CTNND2: variants seen among roughly 807,000 people sequenced by gnomAD.
CTNND2 encodes the protein catenin delta 2.
CTNND2 carries 22 observed loss-of-function variants against 144.4 expected under a neutral mutation model. The ratio of observed to expected loss-of-function variants is 0.15; its 90% CI spans 0.11 to 0.22. The LOEUF is 0.22. Ranked by LOEUF, CTNND2 falls within the 10% of genes least tolerant of loss-of-function variation. CTNND2 has a pLI of 1.00. For synonymous variants in CTNND2, 751 were observed against 695.6 expected (o/e 1.08, Z -1.25); for missense variants, 1,353 against 1,618.8 (o/e 0.84, Z 2.82).
intron 3 of CTNND2, among the ~76,000 whole-genome samples, chr5:11,484,548 G>C (rs529190726): frequency 6.6e-4 from 100 of 152,232 alleles, no homozygotes; most frequent in African/African-American, 2.2e-3. Flanking sequence ...CACTAAGAAA[G>C]GCAGCATCTA....
At chr5:11,773,319 AT>A (rs1790054243) in intron 1 of CTNND2, among the ~76,000 whole-genome samples, 1 of 152,370 alleles carries the variant, frequency 6.6e-6, no homozygotes, top group Middle Eastern at 3.4e-3. Context: ...AATTTACACA[AT>A]TAGTAATGAT....
At chr5:11,308,738 TG>T (rs1209172753) in intron 9 of CTNND2, among the ~76,000 whole-genome samples, 5 of 152,228 alleles carry the variant, frequency 3.3e-5, no homozygotes, top group Admixed American at 2.0e-4. Context: ...TTTAATGGCT[TG>T]GACCTTTCCA....
chr5:11,050,810 C>T (rs1198656905), intron 16 of CTNND2, among the ~76,000 whole-genome samples: 1 of 152,194 alleles, frequency 6.6e-6, no homozygotes, highest in African/African-American at 2.4e-5. Context: ...GTTTTTGTCT[C>T]TGCTTCCAAC....
chr5:11,427,961 G>A (rs1468644708), intron 3 of CTNND2, among the ~76,000 whole-genome samples: 1 of 152,114 alleles, frequency 6.6e-6, no homozygotes, highest in Non-Finnish European at 1.5e-5. Context: ...ATGGGGGGAG[G>A]CGAAAGGCAC....
intron 1 of CTNND2, among the ~76,000 whole-genome samples, chr5:11,890,199 A>C (rs1263511516): frequency 1.3e-5 from 2 of 152,260 alleles, no homozygotes; most frequent in African/African-American, 4.8e-5. Flanking sequence ...TGAAAACTTA[A>C]ACTTGGTACA....
At chr5:11,332,215 C>T (rs977706477) in intron 9 of CTNND2, among the ~76,000 whole-genome samples, 51 of 147,958 alleles carry the variant, frequency 3.4e-4, no homozygotes, top group Admixed American at 1.4e-3. Flanking sequence ...GCGGAGGTTT[C>T]GGTGAGTGGA....
chr5:11,851,950 G>A (rs1380997506), intron 1 of CTNND2, among the ~76,000 whole-genome samples: 2 of 152,180 alleles, frequency 1.3e-5, no homozygotes, highest in African/African-American at 4.8e-5. Flanking sequence ...ATTCAGTCAT[G>A]GTATACATTC....
At position 11,478,860 on chromosome 5, in the gene CTNND2, C is replaced by T. The variant is rs779544561; in HGVS notation, c.288-66791G>A. On this transcript the variant is annotated intron_variant, in intron 3 of 21. Coordinates refer to ENST00000304623, the MANE Select transcript of CTNND2 (RefSeq NM_001332.4). ...AATTATTAGATTTAAGGTTAAGAGA[C>T]GTCAGACGGCCACTGTACATTCCAT... Among the ~76,000 whole-genome samples, 27 of 152,248 alleles carry T rather than the reference C, an allele frequency of 1.8e-4. No homozygotes were observed. The South Asian group carries it at 2.9e-3, about 16-fold the overall frequency.
Position 11,385,162 on chromosome 5 carries a change from C to CGCGGCGGCG in CTNND2, c.671_679dup (p.Pro224_Pro226dup), listed in dbSNP as rs557341981. ...GCCCAGGCTGGGCGCGAACGGCTCC[C>CGCGGCGGCG]GCGGCGGCGGCGGCGGCGGCGGCGC... On this transcript the variant is annotated inframe_insertion, in exon 7 of 22. Transcript: ENST00000304623. 1.7e-3 allele frequency: 1,714 copies of CGCGGCGGCG among 1,013,286 alleles called. 1 individual carries two copies. The highest frequency in any genetic ancestry group is 1.9e-3 in the Admixed American group (32 of 16,802). The allele number at this position is 1,013,286 out of a possible 1,614,324, so 62.8% of individuals were successfully genotyped here.
chr5:11,888,870 A>G (rs1736756220), intron 1 of CTNND2, among the ~76,000 whole-genome samples: 1 of 151,486 alleles, frequency 6.6e-6, no homozygotes, highest in South Asian at 2.1e-4. Context: ...TCCTGCCTCA[A>G]TCTCCTGAGT....
chr5:11,826,820 T>C lies in CTNND2; in HGVS notation c.37+76997A>G, dbSNP rs559545031. ...TATTCATACAACATTATTCAAAATATGTAATATAAAAATGTATATAATTCA... is the reference window on the plus strand; with the variant it reads ...TATTCATACAACATTATTCAAAATACGTAATATAAAAATGTATATAATTCA... On this transcript the variant is annotated intron_variant, in intron 1 of 21. Transcript: ENST00000304623. 7.2e-5 allele frequency among the ~76,000 whole-genome samples: 11 copies of C among 152,052 alleles called. No individual in the cohort carries two copies. The East Asian group carries it at 1.9e-3, about 27-fold the overall frequency.
At chr5:11,895,436 T>C (rs779714427) in intron 1 of CTNND2, among the ~76,000 whole-genome samples, 7 of 152,166 alleles carry the variant, frequency 4.6e-5, no homozygotes, top group Admixed American at 6.5e-5. Flanking sequence ...TTGTTTCCCC[T>C]GTGTTATGAC....
intron 2 of CTNND2, among the ~76,000 whole-genome samples, chr5:11,684,033 G>A (rs1311554948): frequency 6.6e-6 from 1 of 152,088 alleles, no homozygotes; most frequent in African/African-American, 2.4e-5. Context: ...CCATTATGAT[G>A]TCGATCCACT....
At chr5:11,566,622 C>G (rs547091637) in intron 2 of CTNND2, among the ~76,000 whole-genome samples, 192 of 152,346 alleles carry the variant, frequency 1.3e-3, no homozygotes, top group African/African-American at 4.5e-3. Flanking sequence ...TTCTTTGTAG[C>G]ATCTAAAGTA....
intron 3 of CTNND2, among the ~76,000 whole-genome samples, chr5:11,430,118 C>G (rs1013957128): frequency 1.3e-5 from 2 of 151,364 alleles, no homozygotes; most frequent in Admixed American, 6.6e-5. Context: ...GGTGTGGTGT[C>G]GCGTGCCTGT....
intron 9 of CTNND2, among the ~76,000 whole-genome samples, chr5:11,317,151 T>A (rs1681760688): frequency 2.0e-5 from 3 of 152,184 alleles, no homozygotes; most frequent in Admixed American, 2.0e-4. Flanking sequence ...ATGGCGATCA[T>A]TAATATCCAC....
At chr5:11,271,643 T>C (rs1339911969) in intron 9 of CTNND2, among the ~76,000 whole-genome samples, 1 of 152,152 alleles carries the variant, frequency 6.6e-6, no homozygotes, top group Non-Finnish European at 1.5e-5. Flanking sequence ...ATACTTCATA[T>C]TCAGATAAAG....
chr5:11,296,745 A>G (rs1263472040), intron 9 of CTNND2, among the ~76,000 whole-genome samples: 1 of 152,072 alleles, frequency 6.6e-6, no homozygotes, highest in Non-Finnish European at 1.5e-5. Context: ...AAAAAAGCAA[A>G]CTCTGCATGT....
chr5:11,865,224 T>C lies in CTNND2; in HGVS notation c.37+38593A>G, dbSNP rs370869254. ...TTGTTTTTGAATGTGTAAAATGGGC[T>C]GATTTAAGAATATGAGATGGAGAAG... On this transcript the variant is annotated intron_variant, in intron 1 of 21. Transcript: ENST00000304623. 3.9e-5 allele frequency among the ~76,000 whole-genome samples: 6 copies of C among 152,300 alleles called. No homozygotes were observed. In the East Asian group the frequency reaches 7.7e-4, roughly 20 times the overall value.
Sources: gnomAD v4.1 joint callset for allele counts (sites outside exome capture counted in the v4.1 genomes callset) on GRCh38, gnomAD v4.1.1 for gene constraint, MANE v1.5 for transcripts, NCBI Gene and HGNC (gene_info 2026-07-23, HGNC 2026-07-21) for gene names.